Variants in OTOGL observed in about 807,000 individuals in gnomAD.
The protein encoded by OTOGL is otogelin like.
In OTOGL, 285 loss-of-function variants were observed where a neutral mutation model predicts 318.5. That is an observed-to-expected ratio of 0.89 (90% CI 0.81 to 0.99). The LOEUF (loss-of-function observed/expected upper bound fraction) is 0.99, where lower values mean the gene tolerates loss of function less well. OTOGL is among the 50% of genes least tolerant of loss of function. The probability of loss-of-function intolerance (pLI) is 0.00; values close to 1 mark genes in which losing one functional copy is unlikely to be tolerated. For synonymous variants in OTOGL, 987 were observed against 936.5 expected (o/e 1.05, Z -0.99); for missense variants, 2,899 against 2,845.6 (o/e 1.02, Z -0.43).
intron 35 of OTOGL, among the ~76,000 whole-genome samples, chr12:80,327,185 T>C (rs1229731450): frequency 6.6e-6 from 1 of 152,178 alleles, no homozygotes; most frequent in Non-Finnish European, 1.5e-5. Context: ...TAAATGGACA[T>C]AGAAAAATGT....
chr12:80,300,571 A>G (rs1287043756), intron 27 of OTOGL, among the ~76,000 whole-genome samples: 1 of 152,192 alleles, frequency 6.6e-6, no homozygotes, highest in Non-Finnish European at 1.5e-5. Context: ...ATTACAGAGC[A>G]TTAAACCCCA....
intron 4 of OTOGL, among the ~76,000 whole-genome samples, chr12:80,214,015 G>A (rs928999594): frequency 4.6e-5 from 7 of 152,190 alleles, no homozygotes; most frequent in Non-Finnish European, 1.0e-4. Context: ...TTTGTGTGCT[G>A]CAGTGATTTC....
intron 1 of OTOGL, among the ~76,000 whole-genome samples, chr12:80,112,588 T>G (rs1869907863): frequency 6.6e-6 from 1 of 152,146 alleles, no homozygotes; most frequent in Admixed American, 6.5e-5. Context: ...ATCCCAGGGG[T>G]GAAGCCAACT....
intron 7 of OTOGL, among the ~76,000 whole-genome samples, chr12:80,228,516 A>G (rs180944262): frequency 6.6e-6 from 1 of 152,240 alleles, no homozygotes; most frequent in Non-Finnish European, 1.5e-5. Context: ...AAACCCGTAT[A>G]TTATTGACAA....
At chr12:80,103,567 A>G (rs915751222) in intron 1 of OTOGL, among the ~76,000 whole-genome samples, 1 of 152,052 alleles carries the variant, frequency 6.6e-6, no homozygotes, top group Admixed American at 6.6e-5. Flanking sequence ...CTTTCATAGC[A>G]CTCATTTAAA....
At chr12:80,207,444 A>G (rs1436403881) in intron 1 of OTOGL, among the ~76,000 whole-genome samples, 3 of 151,956 alleles carry the variant, frequency 2.0e-5, no homozygotes, top group African/African-American at 4.8e-5. Flanking sequence ...ACCTCAGGTG[A>G]TCCCCCTGGC....
chr12:80,350,419 G>A (rs529190187), intron 44 of OTOGL, among the ~76,000 whole-genome samples: 1 of 152,220 alleles, frequency 6.6e-6, no homozygotes, highest in African/African-American at 2.4e-5. Context: ...GGATATGTAC[G>A]TAGTAGTAGG....
intron 1 of OTOGL, among the ~76,000 whole-genome samples, chr12:80,162,522 C>T (rs1217198375): frequency 6.6e-6 from 1 of 151,984 alleles, no homozygotes; most frequent in Non-Finnish European, 1.5e-5. Flanking sequence ...GTTTTGGAGG[C>T]TAGAAGCTTG....
At chr12:80,339,295 T>A (rs1384078134) in intron 43 of OTOGL, 31 bp downstream of exon 43, 1 of 1,308,148 alleles carries the variant, frequency 7.6e-7, no homozygotes. Flanking sequence ...CTTGATTTCG[T>A]CTGTTTTTTT....
chr12:80,238,959 G>A lies in OTOGL; in HGVS notation c.926G>A (p.Ser309Asn). The change falls in exon 10 of 59, where the codon AGT (serine) becomes AAT (asparagine). Residue 309 changes from serine to asparagine, a missense_variant. This residue lies in a region of OTOGL where 2,607 missense variants were observed against 2,524.9 expected (regional missense o/e 1.03). Coordinates refer to ENST00000547103, the MANE Select transcript of OTOGL (RefSeq NM_001378609.3). ...TCAGATTTTCCAAATCCGTGCTCCA[G>A]TGGAATGCCAGCATTTGAGGTAAAT... ...TPSDFPNPCS[S>N]GMPAFEAIFF... 3 of 1,597,602 alleles carry A rather than the reference G, an allele frequency of 1.9e-6. No individual in the cohort carries two copies. The highest frequency in any genetic ancestry group is 2.5e-6 in the Non-Finnish European group (3 of 1,179,034).
chr12:80,125,871 G>A (rs1471611499), intron 1 of OTOGL, among the ~76,000 whole-genome samples: 1 of 152,080 alleles, frequency 6.6e-6, no homozygotes, highest in Non-Finnish European at 1.5e-5. Context: ...ATTTCTGTGG[G>A]ATCGGTGGTG....
At chr12:80,340,936 G>GTTTTTTTT (rs370802593) in intron 43 of OTOGL, among the ~76,000 whole-genome samples, 1 of 139,094 alleles carries the variant, frequency 7.2e-6, no homozygotes. Context: ...GTCCACTTAG[G>GTTTTTTTT]TTTTTTTTTT....
intron 1 of OTOGL, among the ~76,000 whole-genome samples, chr12:80,161,023 T>C (rs1873477918): frequency 6.6e-6 from 1 of 151,802 alleles, no homozygotes; most frequent in Non-Finnish European, 1.5e-5. Flanking sequence ...TAAGTGGGAG[T>C]TAAGCTATGA....
Position 80,296,828 on chromosome 12 carries a change from G to A in OTOGL, c.2930G>A (p.Ser977Asn). The part of the protein sequence containing the change: ...ISDCQVFLIK[S>N]ADDSDISVIA... ...AATAAAATATTTGTGACATTTCAGA[G>A]TGCAGATGATTCAGATATATCTGTC... Residue 977 changes from serine (S) to asparagine (N), a missense_variant and splice_region_variant, in exon 27 of 59, where the codon AGT becomes AAT. Coordinates refer to ENST00000547103, the MANE Select transcript of OTOGL (RefSeq NM_001378609.3). 1.0e-5 allele frequency: 15 copies of A among 1,486,940 alleles called. No individual in the cohort carries two copies. Among genetic ancestry groups the A allele is most frequent in the Non-Finnish European group, 1.4e-5 (15 of 1,109,680 alleles). 92.1% of individuals were successfully genotyped at this position (1,486,940 alleles called of 1,614,324 possible).
At chr12:80,162,903 G>C (rs1480614272) in intron 1 of OTOGL, among the ~76,000 whole-genome samples, 1 of 151,984 alleles carries the variant, frequency 6.6e-6, no homozygotes, top group East Asian at 1.9e-4. Flanking sequence ...CCACTGCTGA[G>C]AATGTGGGAT....
chr12:80,264,463 A>G (rs1236560309), intron 19 of OTOGL, among the ~76,000 whole-genome samples: 1 of 152,174 alleles, frequency 6.6e-6, no homozygotes, highest in African/African-American at 2.4e-5. Context: ...TTGAGCTCCT[A>G]ATATCTGCCA....
At chr12:80,139,903 A>T (rs1435262027) in intron 1 of OTOGL, among the ~76,000 whole-genome samples, 2 of 152,156 alleles carry the variant, frequency 1.3e-5, no homozygotes, top group African/African-American at 4.8e-5. Context: ...TTCTACTAAC[A>T]TCCTACACTG....
chr12:80,149,452 G>C (rs1872627809), intron 1 of OTOGL, among the ~76,000 whole-genome samples: 1 of 152,216 alleles, frequency 6.6e-6, no homozygotes, highest in African/African-American at 2.4e-5. Flanking sequence ...CGTACTGGGA[G>C]AACCACTGCT....
chr12:80,297,498 A>C (rs985923580), intron 27 of OTOGL, among the ~76,000 whole-genome samples: 1 of 151,836 alleles, frequency 6.6e-6, no homozygotes, highest in Non-Finnish European at 1.5e-5. Context: ...ACGCCTGGCT[A>C]ATTTTTGTAT....
Sources: gnomAD v4.1 joint callset for allele counts (sites outside exome capture counted in the v4.1 genomes callset) on GRCh38, gnomAD v4.1.1 for gene constraint, gnomAD v4.1.1 regional missense constraint, MANE v1.5 for transcripts, NCBI Gene and HGNC (gene_info 2026-07-23, HGNC 2026-07-21) for gene names.